EIF3K: variants seen among roughly 807,000 people sequenced by gnomAD.
EIF3K encodes eukaryotic translation initiation factor 3 subunit K.
Under a neutral mutation model 34.2 loss-of-function variants are expected in EIF3K, and 27 were observed. That is an observed-to-expected ratio of 0.79 (90% CI 0.58 to 1.09). The LOEUF is 1.09. Among genes scored for constraint, EIF3K ranks in the 50% least tolerant of loss-of-function variants. EIF3K has a pLI of 0.00. For missense variants in EIF3K, 232 were observed against 275.4 expected, an observed-to-expected ratio of 0.84 and a Z score of 1.11; for synonymous variants, 105 against 105.7, an observed-to-expected ratio of 0.99 and a Z score of 0.04.
intron 4 of EIF3K, chr19:38,632,080 T>C (rs368557167): frequency 1.3e-5 from 3 of 239,592 alleles, no homozygotes; most frequent in East Asian, 1.1e-4. Context: ...TGATCTTTCT[T>C]TTCCCCACAC....
At chr19:38,632,736 G>A in intron 6 of EIF3K, 58 bp downstream of exon 6, 7 of 1,497,870 alleles carry the variant, frequency 4.7e-6, no homozygotes, top group Non-Finnish European at 6.3e-6. Flanking sequence ...TAGGGCAGTG[G>A]ACCTCAGTCA....
chr19:38,623,115 A>G (rs1975878610), intron 2 of EIF3K, among the ~76,000 whole-genome samples: 2 of 152,240 alleles, frequency 1.3e-5, no homozygotes, highest in Admixed American at 1.3e-4. Flanking sequence ...TCACAAGGGT[A>G]TTGATTGGGG....
intron 5 of EIF3K, 29 bp from the exon 6 acceptor site, chr19:38,632,572 C>A: frequency 1.2e-6 from 2 of 1,613,500 alleles, no homozygotes; most frequent in Non-Finnish European, 1.7e-6. Context: ...GGGACAGCTG[C>A]TCACCGGTTT....
Position 38,634,981 on chromosome 19 carries a change from T to A in EIF3K, c.500-12T>A. ...GCTGACTGAAGCCCCTTGCTGCCCC[T>A]GTCACCTGCAGACAGCCAGCTAAAG... On this transcript the variant is annotated splice_polypyrimidine_tract_variant and intron_variant, in intron 6 of 7. Transcript: ENST00000248342. The A allele has an allele frequency of 6.2e-7, 1 of 1,613,882 alleles. No individual in the cohort carries two copies. The highest frequency in any genetic ancestry group is 8.5e-7 in the Non-Finnish European group (1 of 1,179,930).
chr19:38,625,518 C>CTTTTTTTTTT (rs58008087), intron 3 of EIF3K, among the ~76,000 whole-genome samples: 8,934 of 145,240 alleles, frequency 0.062, 680 homozygotes, highest in African/African-American at 0.16. Context: ...TTAATATTTT[C>CTTTTTTTTTT]TTTTTTTTTG....
At chr19:38,624,273 G>A in intron 3 of EIF3K, 76 bp downstream of exon 3, 1 of 1,592,622 alleles carries the variant, frequency 6.3e-7, no homozygotes, top group South Asian at 1.1e-5. Flanking sequence ...CCAGGGAGAT[G>A]GTCTGTGGGT....
chr19:38,629,153 A>G (rs563112743), intron 4 of EIF3K, among the ~76,000 whole-genome samples: 1 of 152,226 alleles, frequency 6.6e-6, no homozygotes, highest in Non-Finnish European at 1.5e-5. Context: ...TCAAATGCTT[A>G]AAATAATAGA....
intron 1 of EIF3K, among the ~76,000 whole-genome samples, 161 bp downstream of exon 1, chr19:38,619,488 G>C (rs1975789901): frequency 1.3e-5 from 2 of 152,178 alleles, no homozygotes; most frequent in African/African-American, 4.8e-5. Context: ...TGAGCTGGGG[G>C]TAGTGGCTCA....
chr19:38,622,032 A>G (rs1399866092), intron 2 of EIF3K, among the ~76,000 whole-genome samples: 1 of 149,904 alleles, frequency 6.7e-6, no homozygotes, highest in African/African-American at 2.5e-5. Context: ...CAGCCTCCTG[A>G]ATAGCTGGGA....
At chr19:38,625,983 C>A (rs747538893) in intron 3 of EIF3K, 45 bp from the exon 4 acceptor site, 3 of 1,593,574 alleles carry the variant, frequency 1.9e-6, no homozygotes, top group Non-Finnish European at 2.6e-6. Flanking sequence ...TGGGGTCCAA[C>A]CTTACGCTCC....
At chr19:38,621,988 C>G (rs1204866639) in intron 2 of EIF3K, among the ~76,000 whole-genome samples, 2 of 149,974 alleles carry the variant, frequency 1.3e-5, no homozygotes, top group Non-Finnish European at 3.0e-5. Flanking sequence ...TCACTGCATC[C>G]TTAGCCTTCT....
intron 3 of EIF3K, 138 bp from the exon 4 acceptor site, chr19:38,625,890 G>T: frequency 1.3e-6 from 1 of 791,306 alleles, no homozygotes; most frequent in Non-Finnish European, 2.2e-6. Context: ...GGAGAAATAA[G>T]CTGGCTTCCT....
At chr19:38,627,237 C>T (rs1445150811) in intron 4 of EIF3K, among the ~76,000 whole-genome samples, 2 of 152,024 alleles carry the variant, frequency 1.3e-5, no homozygotes, top group Non-Finnish European at 2.9e-5. Context: ...CTGCCTGCCT[C>T]AGCCTCCCAA....
At chr19:38,632,149 C>T (rs1213777556) in intron 4 of EIF3K, 3 of 391,472 alleles carry the variant, frequency 7.7e-6, no homozygotes, top group Non-Finnish European at 1.4e-5. Flanking sequence ...GGAGTGGTGG[C>T]TCACCCCTGT....
At chr19:38,627,557 G>A (rs986309037) in intron 4 of EIF3K, among the ~76,000 whole-genome samples, 6 of 151,800 alleles carry the variant, frequency 4.0e-5, no homozygotes, top group Admixed American at 6.6e-5. Flanking sequence ...CTAGCTGCTC[G>A]GGAGGCTGAG....
intron 1 of EIF3K, among the ~76,000 whole-genome samples, chr19:38,619,891 C>T (rs565614331): frequency 3.9e-4 from 60 of 152,220 alleles, no homozygotes; most frequent in African/African-American, 1.4e-3. Flanking sequence ...CAGCGATAGC[C>T]GGGAGAGATT....
At position 38,632,865 on chromosome 19, in the gene EIF3K, C is replaced by T. The variant is rs768656441; in HGVS notation, c.499+187C>T. On this transcript the variant is annotated intron_variant, in intron 6 of 7. Transcript: ENST00000248342. ...CTTGAGGGAGATCCTATGCCATTTGCTCATTTATTTTGCATTAATTGAGTG... is the reference window on the plus strand; with the variant it reads ...CTTGAGGGAGATCCTATGCCATTTGTTCATTTATTTTGCATTAATTGAGTG... 1.2e-3 allele frequency: 648 copies of T among 550,002 alleles called. 2 individuals are homozygous for T. Among genetic ancestry groups the T allele is most frequent in the Middle Eastern group, 5.3e-3 (11 of 2,068 alleles). The allele number at this position is 550,002 out of a possible 1,614,324, so 34.1% of individuals were successfully genotyped here. A position where few individuals can be genotyped will look rare whatever the true frequency, so the allele number is the denominator to read the frequency against.
intron 4 of EIF3K, among the ~76,000 whole-genome samples, chr19:38,629,789 G>A (rs887635245): frequency 2.0e-5 from 3 of 152,182 alleles, no homozygotes; most frequent in African/African-American, 7.2e-5. Context: ...GGCGGGTTTG[G>A]GGAGCAGCAG....
chr19:38,622,441 A>G (rs190017580), intron 2 of EIF3K, among the ~76,000 whole-genome samples: 17 of 152,324 alleles, frequency 1.1e-4, no homozygotes, highest in African/African-American at 4.1e-4. Flanking sequence ...GGGATTTTCA[A>G]AAGGGGAGGG....
Sources: allele counts gnomAD v4.1 joint callset (sites outside exome capture counted in the v4.1 genomes callset), GRCh38; gene constraint gnomAD v4.1.1; transcripts MANE v1.5; gene names NCBI Gene and HGNC (gene_info 2026-07-23, HGNC 2026-07-21).